Variants in ARB2A observed in about 807,000 individuals in gnomAD.
ARB2A encodes the protein cotranscriptional regulator ARB2A.
the ARB2A span, among the ~76,000 whole-genome samples, chr5:94,037,987 T>C: frequency 1.3e-5 from 2 of 152,094 alleles, no homozygotes; most frequent in African/African-American, 4.8e-5. Context: ...TATCCATCAA[T>C]AAGAAAACAA....
the ARB2A span, among the ~76,000 whole-genome samples, chr5:94,060,071 A>G: frequency 6.6e-6 from 1 of 152,198 alleles, no homozygotes; most frequent in African/African-American, 2.4e-5. Flanking sequence ...TAAAAAAACA[A>G]GAAAGGGGCC....
the ARB2A span, among the ~76,000 whole-genome samples, chr5:94,096,167 A>G: frequency 3.9e-5 from 6 of 152,380 alleles, no homozygotes; most frequent in Non-Finnish European, 7.3e-5. Flanking sequence ...GATGATATCA[A>G]GAAGAATGGG....
At chr5:93,947,191 T>C in the ARB2A span, among the ~76,000 whole-genome samples, 1 of 152,198 alleles carries the variant, frequency 6.6e-6, no homozygotes, top group Non-Finnish European at 1.5e-5. Context: ...AGTGTTCCTA[T>C]ATGGCAGTAT....
the ARB2A span, among the ~76,000 whole-genome samples, chr5:93,643,305 G>A: frequency 6.6e-6 from 1 of 152,092 alleles, no homozygotes; most frequent in Non-Finnish European, 1.5e-5. Context: ...AAAGAGGGTA[G>A]GGAGTCCCTG....
At chr5:93,798,160 C>T in the ARB2A span, among the ~76,000 whole-genome samples, 36 of 152,138 alleles carry the variant, frequency 2.4e-4, no homozygotes, top group Admixed American at 1.9e-3. Context: ...GATTCCTTAC[C>T]CACTTCCATA....
chr5:93,729,499 C>T, the ARB2A span, among the ~76,000 whole-genome samples: 2 of 152,028 alleles, frequency 1.3e-5, no homozygotes, highest in Non-Finnish European at 2.9e-5. Context: ...AATGGCCAAA[C>T]ATTGCTATGG....
At chr5:93,745,304 A>G in the ARB2A span, among the ~76,000 whole-genome samples, 1 of 152,194 alleles carries the variant, frequency 6.6e-6, no homozygotes, top group African/African-American at 2.4e-5. Context: ...ATTTCCACTC[A>G]CATACATTTG....
the ARB2A span, among the ~76,000 whole-genome samples, chr5:94,053,566 CA>C: frequency 5.3e-5 from 8 of 152,078 alleles, no homozygotes; most frequent in Non-Finnish European, 1.2e-4. Context: ...CAAAAGTCAT[CA>C]AATCTTATAT....
At chr5:93,866,245 A>G in the ARB2A span, 1 of 984,930 alleles carries the variant, frequency 1.0e-6, no homozygotes, top group African/African-American at 1.7e-5. Flanking sequence ...AATAAAGAAC[A>G]TTAGAAGTGA....
chr5:93,731,870 G>A, the ARB2A span, among the ~76,000 whole-genome samples: 1 of 152,304 alleles, frequency 6.6e-6, no homozygotes, highest in South Asian at 2.1e-4. Flanking sequence ...ATCTCAGGAA[G>A]GCCCCATCGT....
At chr5:93,967,330 T>C in the ARB2A span, among the ~76,000 whole-genome samples, 4 of 152,082 alleles carry the variant, frequency 2.6e-5, no homozygotes, top group Non-Finnish European at 5.9e-5. Context: ...ATATAGAGCT[T>C]GGAAGTAGGT....
At chr5:94,018,744 T>G in the ARB2A span, among the ~76,000 whole-genome samples, 1 of 152,058 alleles carries the variant, frequency 6.6e-6, no homozygotes, top group Non-Finnish European at 1.5e-5. Flanking sequence ...AGTATATAGA[T>G]TCAGTGCTAT....
At chr5:93,673,979 A>G in the ARB2A span, among the ~76,000 whole-genome samples, 18 of 152,376 alleles carry the variant, frequency 1.2e-4, no homozygotes, top group African/African-American at 4.3e-4. Flanking sequence ...TAACATACTG[A>G]TAATGCCAAA....
chr5:93,844,040 A>G, the ARB2A span, among the ~76,000 whole-genome samples: 1 of 152,006 alleles, frequency 6.6e-6, no homozygotes, highest in Non-Finnish European at 1.5e-5. Context: ...AGTTTTAAGA[A>G]AGAAAAATAA....
the ARB2A span, among the ~76,000 whole-genome samples, chr5:94,039,734 C>G: frequency 2.0e-5 from 3 of 152,234 alleles, no homozygotes; most frequent in South Asian, 6.2e-4. Context: ...GGACCTCTTT[C>G]CTGTAACATC....
chr5:93,961,525 T>A, the ARB2A span, among the ~76,000 whole-genome samples: 1 of 152,024 alleles, frequency 6.6e-6, no homozygotes, highest in African/African-American at 2.4e-5. Context: ...TCTCTACAAA[T>A]AATCAAAAAT....
At chr5:93,820,083 TAAGA>T in the ARB2A span, among the ~76,000 whole-genome samples, 5 of 152,072 alleles carry the variant, frequency 3.3e-5, no homozygotes, top group Non-Finnish European at 7.4e-5. Flanking sequence ...ATAAAAGTAA[TAAGA>T]AAAACACAAA....
At chr5:93,938,772 T>C in the ARB2A span, among the ~76,000 whole-genome samples, 2 of 152,332 alleles carry the variant, frequency 1.3e-5, no homozygotes, top group Admixed American at 1.3e-4. Context: ...TTTGATGTTA[T>C]AATTTGTTAA....
At chr5:93,619,093 A>C in the ARB2A span, 1 of 152,212 alleles carries the variant, frequency 6.6e-6, no homozygotes, top group African/African-American at 2.4e-5. Flanking sequence ...CACTGGAAGG[A>C]ATGTTTGTCC....
Sources: gnomAD v4.1 joint callset for allele counts (sites outside exome capture counted in the v4.1 genomes callset) on GRCh38, gnomAD v4.1.1 for gene constraint, MANE v1.5 for transcripts, NCBI Gene and HGNC (gene_info 2026-07-23, HGNC 2026-07-21) for gene names.